The following PTPN1 variants were observed in gnomAD, a reference collection of about 807,000 sequenced individuals.
PTPN1 encodes protein tyrosine phosphatase non-receptor type 1, also known as tyrosine-protein phosphatase non-receptor type 1.
Under a neutral mutation model 59.9 loss-of-function variants are expected in PTPN1, and 12 were observed. The observed-to-expected ratio is 0.20, with a 90% CI of 0.13 to 0.32. The LOEUF is 0.32. Among genes scored for constraint, PTPN1 ranks in the 10% least tolerant of loss-of-function variants. The pLI, the probability that PTPN1 is intolerant of heterozygous loss-of-function variation, is 1.00. For missense variants in PTPN1, 356 were observed against 549.2 expected, an observed-to-expected ratio of 0.65 and a Z score of 3.52; for synonymous variants, 178 against 203.6, an observed-to-expected ratio of 0.87 and a Z score of 1.07.
In PTPN1 at chr20:50,580,219, C is replaced by CA. The variant is rs199628973; in HGVS notation, c.1088+293_1088+294insA. 4.3e-3 allele frequency among the ~76,000 whole-genome samples: 659 copies of CA among 152,248 alleles called. 2 individuals carry two copies. The highest frequency in any genetic ancestry group is 0.014 in the African/African-American group (578 of 41,532). On this transcript the variant is annotated intron_variant, in intron 8 of 9. Transcript: ENST00000371621. ...AGCCACCGAGTAGGGTTTTTCTGCC[C>CA]CCCCTGACGACAGCGCCCTCCCCCA...
At chr20:50,547,184 T>G (rs937811101) in intron 1 of PTPN1, among the ~76,000 whole-genome samples, 3 of 152,160 alleles carry the variant, frequency 2.0e-5, no homozygotes, top group African/African-American at 7.2e-5. Flanking sequence ...CAGACACTAT[T>G]AGGGACGGTA....
At chr20:50,578,340 T>C (rs1601415513) in intron 5 of PTPN1, 80 bp from the exon 6 acceptor site, 1 of 1,230,562 alleles carries the variant, frequency 8.1e-7, no homozygotes, top group African/African-American at 1.5e-5. Context: ...GAGTGGAAGG[T>C]GACTCTGTGT....
intron 3 of PTPN1, 138 bp downstream of exon 3, chr20:50,565,207 G>GA (rs988446097): frequency 1.2e-5 from 10 of 840,588 alleles, no homozygotes; most frequent in South Asian, 2.0e-5. Flanking sequence ...AAGGAAGGGG[G>GA]AAAAATCATC....
intron 1 of PTPN1, among the ~76,000 whole-genome samples, chr20:50,516,716 T>C (rs2082530697): frequency 6.6e-6 from 1 of 152,198 alleles, no homozygotes; most frequent in African/African-American, 2.4e-5. Context: ...ACACGTACGC[T>C]ATGCTTTTGC....
intron 7 of PTPN1, 32 bp from the exon 8 acceptor site, chr20:50,579,671 C>G (rs1568798229): frequency 6.3e-7 from 1 of 1,582,122 alleles, no homozygotes; most frequent in Non-Finnish European, 8.7e-7. Context: ...GAAGTGAACA[C>G]TAATAGGACT....
chr20:50,566,595 A>G (rs1159243687), intron 3 of PTPN1, among the ~76,000 whole-genome samples: 1 of 152,164 alleles, frequency 6.6e-6, no homozygotes. Context: ...TGCCCAAACC[A>G]AGAACACCCT....
chr20:50,526,843 T>C (rs1476144263), intron 1 of PTPN1, among the ~76,000 whole-genome samples: 2 of 152,132 alleles, frequency 1.3e-5, no homozygotes, highest in African/African-American at 4.8e-5. Context: ...CCTCTAGCCC[T>C]GGAGCAGGCT....
intron 1 of PTPN1, among the ~76,000 whole-genome samples, chr20:50,543,491 C>T (rs530059510): frequency 3.9e-5 from 6 of 152,134 alleles, no homozygotes; most frequent in East Asian, 1.9e-4. Context: ...TCAGAACTAC[C>T]GGATGCAGCT....
chr20:50,527,414 GCTCACTGCAACCTCTGC>G (rs1160952123), intron 1 of PTPN1, among the ~76,000 whole-genome samples: 2 of 152,026 alleles, frequency 1.3e-5, no homozygotes, highest in African/African-American at 4.8e-5. Flanking sequence ...CGCAGTCTTG[GCTCACTGCAACCTCTGC>G]CTCCCGGCTT....
intron 4 of PTPN1, among the ~76,000 whole-genome samples, chr20:50,570,767 A>G (rs946667517): frequency 1.3e-5 from 2 of 152,178 alleles, no homozygotes; most frequent in South Asian, 4.1e-4. Context: ...TAGGAAGTTT[A>G]GCAGCATCTC....
At position 50,510,452 on chromosome 20, in the gene PTPN1, A is replaced by G. The variant is rs2082500924; in HGVS notation, c.-76A>G. On this transcript the variant is annotated 5_prime_UTR_variant, in exon 1 of 10. Transcript: ENST00000371621. The stretch of plus-strand genomic sequence containing the variant: ...GGGGATTGCAGCGGGCCTCGGGGCT[A>G]AGAGCGCGACGCGGCCTAGAGCGGC... 3 of 1,499,116 alleles carry G rather than the reference A, an allele frequency of 2.0e-6. No homozygotes were observed. The allele number at this position is 1,499,116 out of a possible 1,614,324, so 92.9% of individuals were successfully genotyped here.
chr20:50,575,134 T>A (rs1306870996), intron 5 of PTPN1: 1 of 154,818 alleles, frequency 6.5e-6, no homozygotes, highest in African/African-American at 2.4e-5. Context: ...GCTACTTGCT[T>A]GGTAAAAGTT....
At chr20:50,550,064 C>T (rs2082695288) in intron 1 of PTPN1, among the ~76,000 whole-genome samples, 1 of 151,104 alleles carries the variant, frequency 6.6e-6, no homozygotes, top group Non-Finnish European at 1.5e-5. Context: ...TGCTAGTTAC[C>T]CCACCCCCCC....
chr20:50,532,136 C>T (rs1457433913), intron 1 of PTPN1, among the ~76,000 whole-genome samples: 1 of 152,182 alleles, frequency 6.6e-6, no homozygotes, highest in Non-Finnish European at 1.5e-5. Flanking sequence ...GAGATGTTAA[C>T]AAACAGCTGA....
intron 1 of PTPN1, among the ~76,000 whole-genome samples, chr20:50,545,454 A>G (rs1390937762): frequency 6.6e-6 from 1 of 152,230 alleles, no homozygotes; most frequent in African/African-American, 2.4e-5. Context: ...TTTGCTGTTT[A>G]TTCAGCAATA....
chr20:50,532,612 T>C (rs1477938241), intron 1 of PTPN1, among the ~76,000 whole-genome samples: 2 of 152,196 alleles, frequency 1.3e-5, no homozygotes, highest in Non-Finnish European at 2.9e-5. Flanking sequence ...TAATATGTAA[T>C]TCCCCCATAG....
At chr20:50,561,232 TG>T in intron 1 of PTPN1, 130 bp from the exon 2 acceptor site, 1 of 672,310 alleles carries the variant, frequency 1.5e-6, no homozygotes, top group Non-Finnish European at 2.5e-6. Context: ...TTTTCCCCCA[TG>T]GCCTGGTACA....
At chr20:50,525,240 T>A (rs774717498) in intron 1 of PTPN1, among the ~76,000 whole-genome samples, 1 of 152,196 alleles carries the variant, frequency 6.6e-6, no homozygotes, top group African/African-American at 2.4e-5. Context: ...TTGTTATTTT[T>A]AATAGAGACA....
intron 1 of PTPN1, among the ~76,000 whole-genome samples, chr20:50,532,427 A>G (rs2082605511): frequency 6.6e-6 from 1 of 152,242 alleles, no homozygotes; most frequent in Non-Finnish European, 1.5e-5. Flanking sequence ...GTAATCAAGC[A>G]TGAAAGTACA....
Sources: gnomAD v4.1 joint callset for allele counts (sites outside exome capture counted in the v4.1 genomes callset) on GRCh38, gnomAD v4.1.1 for gene constraint, MANE v1.5 for transcripts, NCBI Gene and HGNC (gene_info 2026-07-23, HGNC 2026-07-21) for gene names.